The following CASK variants were observed in gnomAD, a reference collection of about 807,000 sequenced individuals.
CASK encodes peripheral plasma membrane protein CASK.
A neutral mutation model predicts 82.9 loss-of-function variants in CASK; 4 were observed. That is an observed-to-expected ratio of 0.05 (90% CI 0.02 to 0.11). The LOEUF is 0.11. Ranked by LOEUF, CASK falls within the 10% of genes least tolerant of loss-of-function variation. The pLI, the probability that CASK is intolerant of heterozygous loss-of-function variation, is 1.00. For missense variants in CASK, 358 were observed against 720.9 expected (o/e 0.50, Z 5.76); for synonymous variants, 259 against 253.5 (o/e 1.02, Z -0.20).
intron 8 of CASK, among the ~76,000 whole-genome samples, chrX:41,641,691 A>C (rs1262692344): frequency 2.7e-5 from 3 of 111,249 alleles, no homozygotes; most frequent in African/African-American, 9.8e-5. Context: ...CAAAGAAATA[A>C]TTCCTATCTT....
chrX:41,796,752 T>C (rs1397070322), intron 2 of CASK, among the ~76,000 whole-genome samples: 1 of 111,783 alleles, frequency 8.9e-6, no homozygotes. Context: ...CTACTTCCTA[T>C]ATGCAGCTGC....
At chrX:41,557,583 A>G (rs1010661018) in intron 18 of CASK, among the ~76,000 whole-genome samples, 4 of 112,200 alleles carry the variant, frequency 3.6e-5, no homozygotes, top group Non-Finnish European at 7.5e-5. Context: ...CAATCACCTC[A>G]GAATCTTTCT....
At chrX:41,620,909 C>A (rs1267787131) in intron 11 of CASK, among the ~76,000 whole-genome samples, 6 of 111,956 alleles carry the variant, frequency 5.4e-5, no homozygotes, top group Non-Finnish European at 1.1e-4. Context: ...TGTATTCTGT[C>A]AGCGTATAGA....
chrX:41,661,793 T>G (rs763841353), intron 7 of CASK, among the ~76,000 whole-genome samples: 1 of 110,301 alleles, frequency 9.1e-6, no homozygotes, highest in Non-Finnish European at 1.9e-5. Context: ...CAGTGGCTCA[T>G]GCCTGTAATC....
intron 3 of CASK, among the ~76,000 whole-genome samples, chrX:41,778,233 A>ATT (rs1171839577): frequency 9.5e-6 from 1 of 104,788 alleles, no homozygotes. Context: ...TACACTAAGA[A>ATT]TTTTTTTTTT....
intron 5 of CASK, among the ~76,000 whole-genome samples, chrX:41,693,359 A>C (rs1301295645): frequency 2.7e-5 from 3 of 111,615 alleles, no homozygotes; most frequent in African/African-American, 9.8e-5. Flanking sequence ...CACACCTGTA[A>C]TTCCAGCACT....
At chrX:41,595,005 C>T (rs1282301898) in intron 12 of CASK, among the ~76,000 whole-genome samples, 2 of 111,576 alleles carry the variant, frequency 1.8e-5, no homozygotes, top group African/African-American at 3.3e-5. Context: ...TAGCCCCTAG[C>T]GTGAGGCTGA....
rs1253811863 is a variant in CASK, at chrX:41,539,846, G to A, written c.2155+2845C>T. Among the ~76,000 whole-genome samples, 9 of 112,085 alleles carry A rather than the reference G, an allele frequency of 8.0e-5. No individual in the cohort carries two copies. In the Admixed American group the frequency reaches 8.6e-4, roughly 11 times the overall value. ...AAACCTGAAGAGATGGTGACAGAAA[G>A]GAATGCTAGGCTTTGCAGGCAGTGT... On this transcript the variant is annotated intron_variant, in intron 22 of 26. Coordinates refer to ENST00000378163, the MANE Select transcript of CASK (RefSeq NM_001367721.1).
intron 2 of CASK, among the ~76,000 whole-genome samples, chrX:41,852,905 A>C (rs181056505): frequency 3.8e-4 from 42 of 111,409 alleles, no homozygotes; most frequent in African/African-American, 1.4e-3. Flanking sequence ...ATCCTAGATG[A>C]TTTTATAACT....
chrX:41,801,464 C>T (rs1331743925), intron 2 of CASK, among the ~76,000 whole-genome samples: 2 of 112,060 alleles, frequency 1.8e-5, no homozygotes, highest in Non-Finnish European at 3.8e-5. Context: ...TTTTCACTCT[C>T]AATAAATTTC....
At position 41,520,609 on chromosome X, in the gene CASK, G is replaced by A. The variant is rs752645063; in HGVS notation, c.2605-13C>T. On this transcript the variant is annotated splice_polypyrimidine_tract_variant and intron_variant, in intron 26 of 26. Transcript: ENST00000378163. Reference sequence around the variant, plus strand: ...GAAGAGATTCATCCTAAATGGTGATGAGATGGAGGTAGGGGTGGGCATGAG... The same window carrying A: ...GAAGAGATTCATCCTAAATGGTGATAAGATGGAGGTAGGGGTGGGCATGAG... 1.7e-6 allele frequency: 2 copies of A among 1,188,758 alleles called. No homozygotes were observed. Among genetic ancestry groups the A allele is most frequent in the South Asian group, 1.8e-5 (1 of 56,498 alleles).
chrX:41,570,010 CTTTTT>C (rs397937722), intron 15 of CASK, among the ~76,000 whole-genome samples: 1 of 70,627 alleles, frequency 1.4e-5, no homozygotes, highest in African/African-American at 5.2e-5. Context: ...TTTCTTTTTT[CTTTTT>C]TTTTTTTTTT....
chrX:41,537,818 T>TTTATTATTA (rs55857120), intron 22 of CASK, among the ~76,000 whole-genome samples: 3,389 of 95,326 alleles, frequency 0.036, 69 homozygotes, highest in Non-Finnish European at 0.05. Context: ...GCCTATTACT[T>TTTATTATTA]TTATTATTAT....
At chrX:41,701,554 G>A (rs1001099335) in intron 5 of CASK, among the ~76,000 whole-genome samples, 10 of 111,700 alleles carry the variant, frequency 9.0e-5, no homozygotes, top group African/African-American at 2.9e-4. Flanking sequence ...TAAACTATGC[G>A]GCATTCCCAT....
chrX:41,671,224 G>A (rs1444922544), intron 6 of CASK, among the ~76,000 whole-genome samples: 1 of 111,993 alleles, frequency 8.9e-6, no homozygotes, highest in African/African-American at 3.2e-5. Flanking sequence ...AGAGAAAAAA[G>A]AGTCTATTCT....
chrX:41,708,724 T>C (rs906433412), intron 5 of CASK, among the ~76,000 whole-genome samples: 4 of 112,336 alleles, frequency 3.6e-5, no homozygotes, highest in East Asian at 2.8e-4. Context: ...TGTGGGCAGT[T>C]TATGCGTCAG....
intron 10 of CASK, 81 bp from the exon 11 acceptor site, chrX:41,622,715 A>G: frequency 2.4e-6 from 2 of 824,179 alleles, no homozygotes; most frequent in Non-Finnish European, 3.5e-6. Context: ...AGTTCGGCCC[A>G]CTACATGAGC....
intron 12 of CASK, among the ~76,000 whole-genome samples, chrX:41,607,361 CA>C (rs1196043819): frequency 8.9e-6 from 1 of 112,107 alleles, no homozygotes. Context: ...GTTTAAATTA[CA>C]AAAAGTCTTT....
chrX:41,747,651 C>T (rs969597783), intron 3 of CASK, among the ~76,000 whole-genome samples: 2 of 111,862 alleles, frequency 1.8e-5, no homozygotes, highest in Non-Finnish European at 3.8e-5. Flanking sequence ...CCGTGTTAGC[C>T]AGGATAGTCT....
Sources: gnomAD v4.1 joint callset for allele counts (sites outside exome capture counted in the v4.1 genomes callset) on GRCh38, gnomAD v4.1.1 for gene constraint, MANE v1.5 for transcripts, NCBI Gene and HGNC (gene_info 2026-07-23, HGNC 2026-07-21) for gene names.